RGS22: variants seen among roughly 807,000 people sequenced by gnomAD.
RGS22 encodes regulator of G protein signaling 22.
Under a neutral mutation model 172.9 loss-of-function variants are expected in RGS22, and 148 were observed. That is an observed-to-expected ratio of 0.86 (90% CI 0.75 to 0.98). The LOEUF is 0.98. Among genes scored for constraint, RGS22 ranks in the 50% least tolerant of loss-of-function variants. RGS22 has a pLI of 0.00. For missense variants in RGS22, 1,347 were observed against 1,440.8 expected (o/e 0.93, Z 1.05); for synonymous variants, 458 against 480.2 (o/e 0.95, Z 0.60).
chr8:100,039,709 T>A (rs903069966), intron 13 of RGS22, among the ~76,000 whole-genome samples: 6 of 149,330 alleles, frequency 4.0e-5, no homozygotes, highest in Non-Finnish European at 6.0e-5. Flanking sequence ...TAAGACTGAT[T>A]TTTTTTTTTT....
rs540845669 is a variant in RGS22, at chr8:99,974,204, T to C, written c.3519+3713A>G. The stretch of plus-strand genomic sequence containing the variant: ...TGTGTTGAATACCTTAAAATGGTTA[T>C]ACCCTTTCAGCAGTCAATTACACAT... On this transcript the variant is annotated intron_variant, in intron 23 of 27. Coordinates refer to ENST00000360863, the MANE Select transcript of RGS22 (RefSeq NM_015668.5). Among the ~76,000 whole-genome samples, 8 of 152,296 alleles carry C rather than the reference T, an allele frequency of 5.3e-5. 1 individual carries two copies. The highest frequency in any genetic ancestry group is 3.4e-3 in the Middle Eastern group (1 of 294).
rs969535685 is a variant in RGS22, at chr8:100,003,989, T to C, written c.2564A>G (p.Asp855Gly). The C allele has an allele frequency of 6.2e-7, 1 of 1,612,226 alleles. No homozygotes were observed. The highest frequency in any genetic ancestry group is 8.5e-7 in the Non-Finnish European group (1 of 1,178,926). ...AAACTCCAGTTTGTTGTTAAGCAGA[T>C]CACTAAACTTAAAATGCTTGTATTC... ...PAEYKHFKFSDLLNNKLEFEH... is the reference protein window; with the variant it reads ...PAEYKHFKFSGLLNNKLEFEH... The change falls in exon 17 of 28, where the codon GAT (aspartate) becomes GGT (glycine). Residue 855 changes from aspartate (D) to glycine (G), a missense_variant. By Grantham distance (94) the Asp-to-Gly change is moderately conservative. Coordinates refer to ENST00000360863, the MANE Select transcript of RGS22 (RefSeq NM_015668.5).
Position 100,008,403 on chromosome 8 carries a change from A to G in RGS22, c.2333T>C (p.Val778Ala). The change falls in exon 15 of 28, where the codon GTA (valine) becomes GCA (alanine). Residue 778 changes from valine to alanine, a missense_variant. By Grantham distance (64) the Val-to-Ala change is moderately conservative. Coordinates refer to ENST00000360863, the MANE Select transcript of RGS22 (RefSeq NM_015668.5). ...TTTATAAGCAATTTGGTCCGATTTTACCATCTTTGTCCATGGCTCAAGAAG... is the reference window on the plus strand; with the variant it reads ...TTTATAAGCAATTTGGTCCGATTTTGCCATCTTTGTCCATGGCTCAAGAAG... Reference protein sequence around the residue: ...LLLLEPWTKMVKSDQIAYKKV... With the variant: ...LLLLEPWTKMAKSDQIAYKKV... The G allele has an allele frequency of 6.2e-7, 1 of 1,610,508 alleles. No individual in the cohort carries two copies. The highest frequency in any genetic ancestry group is 1.1e-5 in the South Asian group (1 of 89,916).
At chr8:99,979,389 G>T (rs1407079441) in intron 22 of RGS22, among the ~76,000 whole-genome samples, 1 of 152,168 alleles carries the variant, frequency 6.6e-6, no homozygotes, top group East Asian at 1.9e-4. Flanking sequence ...AGTTGCAATT[G>T]AGATTGTAGG....
At chr8:100,064,858 C>T (rs540632941) in intron 7 of RGS22, among the ~76,000 whole-genome samples, 1 of 152,116 alleles carries the variant, frequency 6.6e-6, no homozygotes, top group Non-Finnish European at 1.5e-5. Flanking sequence ...TTAAAATTCA[C>T]CATTTCATTA....
intron 15 of RGS22, 49 bp from the exon 16 acceptor site, chr8:100,006,158 C>T (rs757290864): frequency 3.4e-6 from 5 of 1,461,672 alleles, no homozygotes; most frequent in Non-Finnish European, 2.8e-6. Context: ...GTACAATTTG[C>T]TAGTAACAGT....
chr8:100,105,598 G>A (rs142912567), intron 1 of RGS22, 196 bp from the exon 2 acceptor site: 264 of 610,234 alleles, frequency 4.3e-4, no homozygotes, highest in African/African-American at 4.3e-3. Flanking sequence ...AAAGGCCTCT[G>A]GAATCCTGCC....
chr8:100,105,798 A>C, intron 1 of RGS22, 99 bp downstream of exon 1: 24 of 1,049,588 alleles, frequency 2.3e-5, no homozygotes, highest in Non-Finnish European at 2.7e-5. Flanking sequence ...GGGAGCGGGG[A>C]TACCGCTAGG....
At chr8:100,053,792 T>C (rs910963040) in intron 9 of RGS22, among the ~76,000 whole-genome samples, 8 of 151,888 alleles carry the variant, frequency 5.3e-5, no homozygotes, top group East Asian at 1.9e-4. Context: ...TGTGCCACCA[T>C]GCCCGGCTAA....
In RGS22 at chr8:100,062,755, G is replaced by GA. The variant is rs769478363; in HGVS notation, c.1353-4dup. 4.2e-5 allele frequency: 66 copies of GA among 1,590,328 alleles called. No homozygotes were observed. The Middle Eastern group carries it at 6.8e-4, about 16-fold the overall frequency. ...ATTTTTTCATCTTCTCAAGATGTCT[G>GA]AAATAAAACACATTTCCATATATAC... On this transcript the variant is annotated splice_region_variant and splice_polypyrimidine_tract_variant and intron_variant, in intron 8 of 27. Transcript: ENST00000360863.
chr8:100,024,591 T>C (rs936702663), intron 14 of RGS22, among the ~76,000 whole-genome samples: 10 of 152,190 alleles, frequency 6.6e-5, no homozygotes, highest in South Asian at 4.1e-4. Flanking sequence ...AAGGTGATGT[T>C]TGACATTTAA....
Position 100,039,004 on chromosome 8 carries a change from A to C in RGS22, c.2093T>G (p.Phe698Cys). 1.2e-6 allele frequency: 2 copies of C among 1,611,612 alleles called. No individual in the cohort carries two copies. Among genetic ancestry groups the C allele is most frequent in the Non-Finnish European group, 1.7e-6 (2 of 1,178,390 alleles). Residue 698 changes from phenylalanine to cysteine, a missense_variant, in exon 14 of 28, where the codon TTT (phenylalanine) becomes TGT (cysteine). Physicochemically the swap from Phe to Cys is radical, Grantham distance 205. Coordinates refer to ENST00000360863, the MANE Select transcript of RGS22 (RefSeq NM_015668.5). ...KLWKNSVYFW[F>C]DLQAYHQLFY... ...AAGCTGATGATAAGCCTGCAGGTCA[A>C]ACCAAAAGTACACACTGTTCTTCCA...
At chr8:100,052,771 G>C in intron 10 of RGS22, 31 bp downstream of exon 10, 2 of 1,593,908 alleles carry the variant, frequency 1.3e-6, no homozygotes, top group South Asian at 2.2e-5. Context: ...TACAAACTTA[G>C]TAGAGATCAC....
chr8:100,095,452 G>A (rs1353450587), intron 2 of RGS22, among the ~76,000 whole-genome samples: 1 of 152,262 alleles, frequency 6.6e-6, no homozygotes, highest in East Asian at 1.9e-4. Context: ...CTAAAGTGCT[G>A]GGATTACAAC....
At chr8:100,075,395 T>C (rs1244775404) in intron 4 of RGS22, among the ~76,000 whole-genome samples, 1 of 152,180 alleles carries the variant, frequency 6.6e-6, no homozygotes, top group Non-Finnish European at 1.5e-5. Context: ...TGCTCCCTCT[T>C]TGTCTTCCAC....
chr8:99,977,937 C>A lies in RGS22; in HGVS notation c.3499G>T (p.Glu1167Ter), dbSNP rs770176316. The change falls in exon 23 of 28, where the codon GAA becomes TAA. Residue 1167 changes from glutamate to a stop codon, truncating the protein, a stop_gained. Transcript: ENST00000360863. LOFTEE classifies it high-confidence loss of function. Reference protein sequence around the residue: ...NKQKKKLAVLEDEKSGKDGIK... With the variant: ...NKQKKKLAVL ...CTCACCTTTCCAGATTTTTCGTCTT[C>A]TAGGACTGCCAATTTTTTTTTCTGC... The A allele has an allele frequency of 6.4e-7, 1 of 1,565,688 alleles. No homozygotes were observed. The highest frequency in any genetic ancestry group is 1.2e-5 in the South Asian group (1 of 80,454).
At chr8:100,026,958 G>A (rs537803412) in intron 14 of RGS22, among the ~76,000 whole-genome samples, 48 of 152,220 alleles carry the variant, frequency 3.2e-4, no homozygotes, top group Non-Finnish European at 5.1e-4. Flanking sequence ...GGTCGGGCAT[G>A]GTGGCTCATG....
intron 14 of RGS22, among the ~76,000 whole-genome samples, chr8:100,030,026 A>T (rs1374083504): frequency 6.6e-6 from 1 of 152,232 alleles, no homozygotes; most frequent in East Asian, 1.9e-4. Flanking sequence ...CATACAACAC[A>T]GATATTCAAA....
intron 6 of RGS22, among the ~76,000 whole-genome samples, chr8:100,067,156 G>T (rs1176183337): frequency 6.6e-6 from 1 of 152,140 alleles, no homozygotes; most frequent in Non-Finnish European, 1.5e-5. Flanking sequence ...CTTAGTCTAA[G>T]AAACACTTGG....
Sources: allele counts gnomAD v4.1 joint callset (sites outside exome capture counted in the v4.1 genomes callset), GRCh38; gene constraint gnomAD v4.1.1; transcripts MANE v1.5; gene names NCBI Gene and HGNC (gene_info 2026-07-23, HGNC 2026-07-21).